The following MAN1A1 variants were observed in gnomAD, a reference collection of about 807,000 sequenced individuals.
MAN1A1 encodes the protein mannosyl-oligosaccharide 1,2-alpha-mannosidase IA.
A neutral mutation model predicts 70.8 loss-of-function variants in MAN1A1; 29 were observed. That is an observed-to-expected ratio of 0.41 (90% CI 0.31 to 0.56). The LOEUF is 0.56. Ranked by LOEUF, MAN1A1 falls within the 20% of genes least tolerant of loss-of-function variation. MAN1A1 has a pLI of 0.29. For synonymous variants in MAN1A1, 349 were observed against 330.1 expected (o/e 1.06, Z -0.62); for missense variants, 747 against 841.3 (o/e 0.89, Z 1.39).
chr6:119,329,526 A>C (rs925179493), intron 2 of MAN1A1, among the ~76,000 whole-genome samples: 1 of 151,964 alleles, frequency 6.6e-6, no homozygotes, highest in Non-Finnish European at 1.5e-5. Flanking sequence ...CTTGTATCAG[A>C]TTCTCAAAAA....
rs142691504 is a variant in MAN1A1, at chr6:119,191,968, C to G, written c.1326+1809G>C. On this transcript the variant is annotated intron_variant, in intron 9 of 12. Transcript: ENST00000368468. ...AATTTAGTTGTTCTAGCTTTGCTTTCTAAGTTGAAAATATACAGTGGATTG... is the reference window on the plus strand; with the variant it reads ...AATTTAGTTGTTCTAGCTTTGCTTTGTAAGTTGAAAATATACAGTGGATTG... Among the ~76,000 whole-genome samples, 51 of 140,380 alleles carry G rather than the reference C, an allele frequency of 3.6e-4. No homozygotes were observed. The East Asian group carries it at 0.011, about 30-fold the overall frequency. 92.1% of individuals were successfully genotyped at this position (140,380 alleles called of 152,430 possible). A position where few individuals can be genotyped will look rare whatever the true frequency, so the allele number is the denominator to read the frequency against.
chr6:119,202,918 T>C (rs2114947586), intron 7 of MAN1A1, among the ~76,000 whole-genome samples: 1 of 152,246 alleles, frequency 6.6e-6, no homozygotes, highest in East Asian at 1.9e-4. Context: ...TATTTGGAGA[T>C]GGTAATTAGG....
Position 119,320,012 on chromosome 6 carries a change from T to TC in MAN1A1, c.604-13021dup, listed in dbSNP as rs201612520. 5.8e-3 allele frequency among the ~76,000 whole-genome samples: 889 copies of TC among 152,188 alleles called. 29 individuals are homozygous for TC. In the East Asian group the frequency reaches 0.09, roughly 15 times the overall value. On this transcript the variant is annotated intron_variant, in intron 2 of 12. Transcript: ENST00000368468. ...TTTTAAGAGACGGAGTCTTGCTGTG[T>TC]CCCCAGGGTGGAGTGCAGTGGCACA...
chr6:119,232,379 AAAAAAAAAAAAAAG>A (rs1458296312), intron 6 of MAN1A1, among the ~76,000 whole-genome samples: 2 of 151,152 alleles, frequency 1.3e-5, no homozygotes, highest in African/African-American at 4.9e-5. Context: ...TCTCAAAAAA[AAAAAAAAAAAAAAG>A]AAAAACATTG....
At chr6:119,304,448 A>C (rs195090) in intron 3 of MAN1A1, among the ~76,000 whole-genome samples, 106,235 of 152,024 alleles carry the variant, frequency 0.7, 37,501 homozygotes, top group African/African-American at 0.76. Flanking sequence ...TTTAGCTTTA[A>C]ATGAGTATAA....
intron 6 of MAN1A1, among the ~76,000 whole-genome samples, chr6:119,229,874 CTCT>C (rs909996771): frequency 9.9e-5 from 15 of 152,210 alleles, no homozygotes; most frequent in African/African-American, 3.6e-4. Context: ...ACACGACATT[CTCT>C]TCTTCAAATT....
At chr6:119,307,081 A>C in intron 2 of MAN1A1, 89 bp from the exon 3 acceptor site, 1 of 832,298 alleles carries the variant, frequency 1.2e-6, no homozygotes, top group Non-Finnish European at 2.0e-6. Flanking sequence ...AAAGGCTAAA[A>C]CATTAAAATT....
chr6:119,280,422 A>G (rs774304265), intron 5 of MAN1A1, among the ~76,000 whole-genome samples: 2 of 152,214 alleles, frequency 1.3e-5, no homozygotes, highest in African/African-American at 2.4e-5. Flanking sequence ...TAATATTTGA[A>G]TTAACATTTG....
chr6:119,249,138 T>A (rs1003856256), intron 5 of MAN1A1, among the ~76,000 whole-genome samples: 2 of 151,742 alleles, frequency 1.3e-5, no homozygotes, highest in African/African-American at 4.8e-5. Context: ...AAAGAGGGAA[T>A]CCCTGAGGGA....
At chr6:119,332,112 T>C (rs1053437472) in intron 2 of MAN1A1, 1 of 328,992 alleles carries the variant, frequency 3.0e-6, no homozygotes, top group African/African-American at 2.2e-5. Context: ...GTGGTGAGCA[T>C]AGTATCTAAT....
intron 2 of MAN1A1, among the ~76,000 whole-genome samples, chr6:119,308,618 T>C (rs1254786114): frequency 6.6e-6 from 1 of 152,134 alleles, no homozygotes; most frequent in Non-Finnish European, 1.5e-5. Flanking sequence ...GGTAATCACG[T>C]TTATTAAATT....
chr6:119,198,679 C>T (rs1282354041), intron 8 of MAN1A1, among the ~76,000 whole-genome samples: 1 of 151,978 alleles, frequency 6.6e-6, no homozygotes, highest in Admixed American at 6.5e-5. Context: ...AAGACTGACA[C>T]AATTTCACAT....
chr6:119,255,788 C>T (rs996558873), intron 5 of MAN1A1, among the ~76,000 whole-genome samples: 42 of 152,304 alleles, frequency 2.8e-4, no homozygotes, highest in African/African-American at 1.0e-3. Flanking sequence ...CCTGTGGGCA[C>T]ACATCTTTCT....
At chr6:119,267,998 A>G (rs1775806377) in intron 5 of MAN1A1, among the ~76,000 whole-genome samples, 1 of 152,118 alleles carries the variant, frequency 6.6e-6, no homozygotes, top group Non-Finnish European at 1.5e-5. Context: ...GGATGTGGAG[A>G]CTTGATGCCT....
intron 2 of MAN1A1, among the ~76,000 whole-genome samples, chr6:119,327,951 C>G (rs901209810): frequency 2.0e-5 from 3 of 152,092 alleles, no homozygotes; most frequent in African/African-American, 7.2e-5. Flanking sequence ...TGGCAAGGAA[C>G]TGAATTTTGC....
At chr6:119,185,347 T>C (rs1163477682) in intron 11 of MAN1A1, among the ~76,000 whole-genome samples, 1 of 152,198 alleles carries the variant, frequency 6.6e-6, no homozygotes, top group Non-Finnish European at 1.5e-5. Flanking sequence ...CCTTTTCACA[T>C]CTTATTTGAC....
chr6:119,345,652 A>C lies in MAN1A1; in HGVS notation c.603+2811T>G, dbSNP rs73767462. Among the ~76,000 whole-genome samples the C allele has an allele frequency of 3.3e-5, 5 of 152,348 alleles. No individual in the cohort carries two copies. The East Asian group carries it at 9.6e-4, about 29-fold the overall frequency. On this transcript the variant is annotated intron_variant, in intron 2 of 12. Coordinates refer to ENST00000368468, the MANE Select transcript of MAN1A1 (RefSeq NM_005907.4). ...AACATAAATGTGCCATAGATATAAA[A>C]AATAGTATTGACTGACTTTGAACCA...
chr6:119,269,511 G>A (rs913974606), intron 5 of MAN1A1: 6 of 190,450 alleles, frequency 3.2e-5, no homozygotes, highest in African/African-American at 7.1e-5. Context: ...CAGATGGGGG[G>A]CCTCAGGAAG....
chr6:119,337,745 TCTC>T (rs1210421775), intron 2 of MAN1A1, among the ~76,000 whole-genome samples: 1 of 152,182 alleles, frequency 6.6e-6, no homozygotes, highest in Non-Finnish European at 1.5e-5. Flanking sequence ...CATTTTCTAT[TCTC>T]CTCAACCACC....
Sources: allele counts gnomAD v4.1 joint callset (sites outside exome capture counted in the v4.1 genomes callset), GRCh38; gene constraint gnomAD v4.1.1; transcripts MANE v1.5; gene names NCBI Gene and HGNC (gene_info 2026-07-23, HGNC 2026-07-21).